The following CELF2 variants were observed in gnomAD, a reference collection of about 807,000 sequenced individuals.
CELF2 encodes the protein CUGBP Elav-like family member 2, also known as CUG triplet repeat RNA-binding protein 2.
CELF2 carries 8 observed loss-of-function variants against 62.6 expected under a neutral mutation model. That is an observed-to-expected ratio of 0.13 (90% CI 0.07 to 0.23). The LOEUF (loss-of-function observed/expected upper bound fraction) is 0.23. Ranked by LOEUF, CELF2 falls within the 10% of genes least tolerant of loss-of-function variation. CELF2 has a pLI of 1.00. For synonymous variants in CELF2, 258 were observed against 250.0 expected (o/e 1.03, Z -0.30); for missense variants, 333 against 671.0 (o/e 0.50, Z 5.56).
chr10:10,759,871 A>T, the CELF2 span, among the ~76,000 whole-genome samples: 1 of 152,180 alleles, frequency 6.6e-6, no homozygotes, highest in South Asian at 2.1e-4. Flanking sequence ...ATTCCTATAT[A>T]GAAATAGTAG....
At chr10:10,801,300 T>C (rs2054638620) in intron 1 of CELF2, among the ~76,000 whole-genome samples, 1 of 152,256 alleles carries the variant, frequency 6.6e-6, no homozygotes, top group Non-Finnish European at 1.5e-5. Flanking sequence ...GTAATCCTTT[T>C]CTGAGGTCAG....
At chr10:11,054,544 TAATGTC>T (rs2064784170) in intron 1 of CELF2, among the ~76,000 whole-genome samples, 1 of 151,392 alleles carries the variant, frequency 6.6e-6, no homozygotes, top group Non-Finnish European at 1.5e-5. Flanking sequence ...TCTTTTAACT[TAATGTC>T]AATTTATGAA....
the CELF2 span, among the ~76,000 whole-genome samples, chr10:10,583,262 G>A: frequency 1.3e-5 from 2 of 152,100 alleles, no homozygotes; most frequent in African/African-American, 4.8e-5. Context: ...TTTTATAACT[G>A]CAGGATTTGA....
At chr10:10,962,761 A>G (rs1208952360) in intron 2 of CELF2, among the ~76,000 whole-genome samples, 1 of 152,184 alleles carries the variant, frequency 6.6e-6, no homozygotes, top group East Asian at 1.9e-4. Flanking sequence ...AACTAAAGAG[A>G]GGAAATGAAG....
At position 11,300,468 on chromosome 10, in the gene CELF2, C is replaced by T. The variant is rs1591023719; in HGVS notation, c.976+11916C>T. ...TCTGGGGAAGGTACCCTCTTCCAGG[C>T]TGGGAGTGTGAGGTCACACCTCACC... On this transcript the variant is annotated intron_variant, in intron 9 of 12. Transcript: ENST00000633077. The surrounding 1 kb of genome is among the most constrained non-coding windows in gnomAD (Gnocchi z 5.5). Among the ~76,000 whole-genome samples the T allele has an allele frequency of 6.6e-6, 1 of 152,308 alleles. No individual in the cohort carries two copies. Among genetic ancestry groups the T allele is most frequent in the East Asian group, 1.9e-4 (1 of 5,186 alleles).
At chr10:10,547,006 AT>A in the CELF2 span, among the ~76,000 whole-genome samples, 1 of 152,012 alleles carries the variant, frequency 6.6e-6, no homozygotes, top group African/African-American at 2.4e-5. Context: ...CTTTGGGAGG[AT>A]GAGGAAGGAG....
At chr10:10,582,404 A>G in the CELF2 span, among the ~76,000 whole-genome samples, 1 of 152,212 alleles carries the variant, frequency 6.6e-6, no homozygotes, top group African/African-American at 2.4e-5. Context: ...TGCCTGAGAT[A>G]GTTTTCCGAG....
At position 11,296,971 on chromosome 10, in the gene CELF2, G is replaced by A. The variant is rs73583215; in HGVS notation, c.976+8419G>A. ...AAAGGATGCCCACCGGGGACCCTGA[G>A]AGCCGGGGCTCAGGAGCTGGGACTT... On this transcript the variant is annotated intron_variant, in intron 9 of 12. Transcript: ENST00000633077. This position sits in a 1 kb window ranked among gnomAD's most constrained non-coding sequence, Gnocchi z 5.0. Among the ~76,000 whole-genome samples the A allele has an allele frequency of 0.085, 12,891 of 152,272 alleles. 1,037 individuals carry two copies. Among genetic ancestry groups the A allele is most frequent in the African/African-American group, 0.22 (9,026 of 41,524 alleles).
intron 2 of CELF2, among the ~76,000 whole-genome samples, chr10:11,176,000 A>G (rs1005624849): frequency 2.0e-5 from 3 of 152,172 alleles, no homozygotes; most frequent in Non-Finnish European, 4.4e-5. Context: ...ACATGCATGC[A>G]TGTGTGTTCT....
rs142994736 is a variant in CELF2, at chr10:11,010,495, C to T, written c.53+5055C>T. Among the ~76,000 whole-genome samples, 564 of 152,300 alleles carry T rather than the reference C, an allele frequency of 3.7e-3. 6 individuals carry two copies. Among genetic ancestry groups the T allele is most frequent in the African/African-American group, 0.013 (541 of 41,562 alleles). On this transcript the variant is annotated intron_variant, in intron 1 of 12. Coordinates refer to the CELF2 transcript ENST00000416382. This position sits in a 1 kb window ranked among gnomAD's most constrained non-coding sequence, Gnocchi z 4.1. ...AAAATGAAACTTATTAACAATCTAC[C>T]TGGCACTACACTAACTGGTTACTTT...
At chr10:11,094,559 T>G (rs1460044048) in intron 1 of CELF2, among the ~76,000 whole-genome samples, 1 of 152,166 alleles carries the variant, frequency 6.6e-6, no homozygotes, top group Non-Finnish European at 1.5e-5. Flanking sequence ...AGCAACCAGC[T>G]TTTTCCTGAC....
At chr10:10,821,833 G>A (rs2056990881) in intron 1 of CELF2, among the ~76,000 whole-genome samples, 1 of 152,108 alleles carries the variant, frequency 6.6e-6, no homozygotes, top group Non-Finnish European at 1.5e-5. Flanking sequence ...TAGAAATGAG[G>A]TCTTGCTTTT....
chr10:10,995,043 T>A lies in CELF2; in HGVS notation c.89+75044T>A, dbSNP rs1372430049. ...CTTATCACCTGCCCTTCCTTGGAGC[T>A]CTTGCGGCCCATAAAATCCCACAGC... On this transcript the variant is annotated intron_variant, in intron 2 of 13. Transcript: ENST00000636488. This position sits in a 1 kb window ranked among gnomAD's most constrained non-coding sequence, Gnocchi z 4.7. Among the ~76,000 whole-genome samples, 2 of 152,170 alleles carry A rather than the reference T, an allele frequency of 1.3e-5. No individual in the cohort carries two copies. The highest frequency in any genetic ancestry group is 4.8e-5 in the African/African-American group (2 of 41,444).
chr10:10,609,829 G>T, the CELF2 span, among the ~76,000 whole-genome samples: 5 of 152,198 alleles, frequency 3.3e-5, no homozygotes, highest in Non-Finnish European at 5.9e-5. Context: ...AAAACAATGG[G>T]CTGTGCCATC....
intron 2 of CELF2, among the ~76,000 whole-genome samples, chr10:11,205,607 C>T (rs1038755995): frequency 9.9e-5 from 15 of 152,160 alleles, no homozygotes; most frequent in South Asian, 2.1e-4. Context: ...TCAGGAATGA[C>T]TGTACCAGCC....
At chr10:11,094,603 G>C (rs1176777552) in intron 1 of CELF2, among the ~76,000 whole-genome samples, 1 of 152,174 alleles carries the variant, frequency 6.6e-6, no homozygotes, top group Non-Finnish European at 1.5e-5. Flanking sequence ...AAAAGCAAAA[G>C]GGAAGTGAGA....
intron 2 of CELF2, among the ~76,000 whole-genome samples, chr10:11,216,727 T>C (rs1358046102): frequency 1.3e-5 from 2 of 152,192 alleles, no homozygotes; most frequent in Admixed American, 1.3e-4. Context: ...ACAGGCTCTT[T>C]GGAAAGGAGG....
the CELF2 span, among the ~76,000 whole-genome samples, chr10:10,657,226 T>C: frequency 3.3e-5 from 5 of 152,152 alleles, no homozygotes; most frequent in South Asian, 1.0e-3. Flanking sequence ...GAAAAAAAAG[T>C]AGATGAGTGA....
intron 5 of CELF2, among the ~76,000 whole-genome samples, chr10:11,266,021 G>A (rs2082110994): frequency 6.6e-6 from 1 of 152,060 alleles, no homozygotes; most frequent in Non-Finnish European, 1.5e-5. Flanking sequence ...TGGTATATTT[G>A]TATTTGCATA....
Sources: allele counts gnomAD v4.1 joint callset (sites outside exome capture counted in the v4.1 genomes callset), GRCh38; gene constraint gnomAD v4.1.1; non-coding constraint Gnocchi (gnomAD v3.1); transcripts MANE v1.5; gene names NCBI Gene and HGNC (gene_info 2026-07-23, HGNC 2026-07-21).